UIMC1: variants seen among roughly 807,000 people sequenced by gnomAD.
The protein encoded by UIMC1 is ubiquitin interaction motif containing 1.
Under a neutral mutation model 84.9 loss-of-function variants are expected in UIMC1, and 42 were observed. The observed-to-expected ratio is 0.49, with a 90% CI of 0.39 to 0.64. UIMC1 has a LOEUF of 0.64. UIMC1 is among the 30% of genes least tolerant of loss of function. The pLI, the probability that UIMC1 is intolerant of heterozygous loss-of-function variation, is 0.00. For missense variants in UIMC1, 825 were observed against 847.6 expected (o/e 0.97, Z 0.33); for synonymous variants, 281 against 293.0 (o/e 0.96, Z 0.42).
intron 10 of UIMC1, among the ~76,000 whole-genome samples, chr5:176,921,036 C>T (rs1761642713): frequency 6.6e-6 from 1 of 152,116 alleles, no homozygotes; most frequent in South Asian, 2.1e-4. Context: ...ATTTAGATAT[C>T]GTGTGGTTTT....
chr5:176,936,139 G>A (rs1350654256), intron 10 of UIMC1, among the ~76,000 whole-genome samples: 1 of 152,096 alleles, frequency 6.6e-6, no homozygotes, highest in Non-Finnish European at 1.5e-5. Context: ...ACAGACCTCA[G>A]AAAGACTACA....
In UIMC1 at chr5:176,908,639, G is replaced by A; in HGVS notation, c.1732C>T (p.His578Tyr). The change falls in exon 12 of 15, where the codon CAT becomes TAT. Residue 578 changes from histidine (H) to tyrosine (Y), a missense_variant. Physicochemically the swap from His to Tyr is moderately conservative, Grantham distance 83 (BLOSUM62 2). Coordinates refer to ENST00000511320, the MANE Select transcript of UIMC1 (RefSeq NM_001199298.2). Reference sequence around the variant, plus strand: ...GCAAGCTGGAGACAGGAGTCCACATGACACTGATACTCTCTAAATGGGACC... The same window carrying A: ...GCAAGCTGGAGACAGGAGTCCACATAACACTGATACTCTCTAAATGGGACC... ...SLVPFREYQC[H>Y]VDSCLQLAKA... is the part of the protein sequence containing the mutation. 6.2e-7 allele frequency: 1 copy of A among 1,613,974 alleles called. No homozygotes were observed.
intron 10 of UIMC1, among the ~76,000 whole-genome samples, chr5:176,939,240 G>C (rs1764111381): frequency 1.4e-5 from 2 of 138,650 alleles, no homozygotes; most frequent in African/African-American, 2.7e-5. Context: ...CTGGGTGACA[G>C]AGTGAGATCC....
intron 10 of UIMC1, among the ~76,000 whole-genome samples, chr5:176,921,816 C>G (rs1419016011): frequency 1.3e-5 from 2 of 152,144 alleles, no homozygotes; most frequent in African/African-American, 2.4e-5. Flanking sequence ...CACATTGTAG[C>G]CAGAGTTAGA....
At chr5:176,917,758 G>A (rs1554107386) in intron 10 of UIMC1, among the ~76,000 whole-genome samples, 2 of 152,170 alleles carry the variant, frequency 1.3e-5, no homozygotes, top group Non-Finnish European at 2.9e-5. Flanking sequence ...TCAGGAGTTC[G>A]TGACCAGCCT....
At chr5:176,978,376 AAAAAT>A (rs1225107979) in intron 2 of UIMC1, among the ~76,000 whole-genome samples, 14 of 152,194 alleles carry the variant, frequency 9.2e-5, no homozygotes, top group Admixed American at 5.9e-4. Flanking sequence ...CTGTCTCAAA[AAAAAT>A]AAAATAAAAT....
chr5:176,964,384 CCTTT>C (rs1380857991), intron 6 of UIMC1, among the ~76,000 whole-genome samples: 1 of 152,188 alleles, frequency 6.6e-6, no homozygotes, highest in Non-Finnish European at 1.5e-5. Context: ...ATTGTAACAG[CCTTT>C]CTGACAAGCA....
chr5:176,998,580 A>T (rs353473), intron 1 of UIMC1, among the ~76,000 whole-genome samples: 4 of 151,388 alleles, frequency 2.6e-5, no homozygotes, highest in African/African-American at 9.7e-5. Context: ...CCAGCCTGAC[A>T]GACATGGAGA....
At chr5:176,979,359 C>T (rs1770657894) in intron 2 of UIMC1, among the ~76,000 whole-genome samples, 1 of 152,116 alleles carries the variant, frequency 6.6e-6, no homozygotes, top group Non-Finnish European at 1.5e-5. Context: ...TGGCTCACGC[C>T]TGTAATCCCA....
chr5:177,008,352 T>G (rs897160753), upstream of UIMC1, among the ~76,000 whole-genome samples: 1 of 152,138 alleles, frequency 6.6e-6, no homozygotes, highest in Non-Finnish European at 1.5e-5. Context: ...CTTCCTCAGC[T>G]GCTGGGACAT....
chr5:176,943,620 A>G (rs189596763), intron 9 of UIMC1, 132 bp from the exon 10 acceptor site: 2 of 1,136,308 alleles, frequency 1.8e-6, no homozygotes, highest in African/African-American at 3.1e-5. Context: ...ATTCAGGAGT[A>G]AAGATTGAGA....
intron 3 of UIMC1, among the ~76,000 whole-genome samples, chr5:176,972,138 C>A (rs1427059811): frequency 1.3e-5 from 2 of 151,790 alleles, no homozygotes. Context: ...CGGTGGCTCA[C>A]GCCTGTAATC....
intron 6 of UIMC1, among the ~76,000 whole-genome samples, chr5:176,958,938 G>A (rs1029254241): frequency 1.4e-4 from 22 of 152,232 alleles, no homozygotes; most frequent in African/African-American, 5.1e-4. Context: ...GGGCTGTGAG[G>A]CTTCTTCCAC....
chr5:176,942,745 T>TAAAAAA (rs1044619072), intron 10 of UIMC1, among the ~76,000 whole-genome samples: 1 of 76,128 alleles, frequency 1.3e-5, no homozygotes, highest in East Asian at 3.4e-4. Flanking sequence ...GACTCCGTCT[T>TAAAAAA]AAAAAAAAAA....
At chr5:176,980,771 T>C (rs990892181) in intron 2 of UIMC1, among the ~76,000 whole-genome samples, 1 of 152,218 alleles carries the variant, frequency 6.6e-6, no homozygotes, top group Non-Finnish European at 1.5e-5. Context: ...CTTTCTGTTT[T>C]AGATGGAGTG....
At chr5:176,941,964 C>T (rs1764494433) in intron 10 of UIMC1, among the ~76,000 whole-genome samples, 1 of 152,106 alleles carries the variant, frequency 6.6e-6, no homozygotes, top group Admixed American at 6.6e-5. Context: ...CTGACTCAGC[C>T]TCCTGAGTAG....
rs143677926 is a variant in UIMC1, at chr5:177,004,091, A to G, written c.-9+2559T>C. Reference sequence around the variant, plus strand: ...GCAATTGCCCACCTCAGCCTCCCAAAGTGCTGGGATTACATGTACCATATA... The same window carrying G: ...GCAATTGCCCACCTCAGCCTCCCAAGGTGCTGGGATTACATGTACCATATA... On this transcript the variant is annotated intron_variant, in intron 1 of 14. Transcript: ENST00000511320. Among the ~76,000 whole-genome samples, 1,302 of 152,296 alleles carry G rather than the reference A, an allele frequency of 8.5e-3. 7 individuals carry two copies. Among genetic ancestry groups the G allele is most frequent in the Middle Eastern group, 0.01 (3 of 294 alleles).
At chr5:177,002,431 T>G (rs1383894406) in intron 1 of UIMC1, among the ~76,000 whole-genome samples, 1 of 152,232 alleles carries the variant, frequency 6.6e-6, no homozygotes, top group Non-Finnish European at 1.5e-5. Flanking sequence ...CTTACACGGG[T>G]GTACACATTG....
chr5:176,951,374 C>T, intron 9 of UIMC1, 100 bp downstream of exon 9: 1 of 878,728 alleles, frequency 1.1e-6, no homozygotes, highest in Non-Finnish European at 1.6e-6. Flanking sequence ...CTAAAACCCC[C>T]TGCCACCTAA....
Sources: gnomAD v4.1 joint callset for allele counts (sites outside exome capture counted in the v4.1 genomes callset) on GRCh38, gnomAD v4.1.1 for gene constraint, MANE v1.5 for transcripts, NCBI Gene and HGNC (gene_info 2026-07-23, HGNC 2026-07-21) for gene names.